Variants in CENPW observed in about 807,000 individuals in gnomAD.
CENPW encodes the protein centromere protein W.
CENPW carries 3 observed loss-of-function variants against 11.1 expected under a neutral mutation model. The ratio of observed to expected loss-of-function variants is 0.27; its 90% confidence interval spans 0.12 to 0.70. The LOEUF (loss-of-function observed/expected upper bound fraction) is 0.70. Ranked by LOEUF, CENPW falls within the 30% of genes least tolerant of loss-of-function variation. The pLI, the probability that CENPW is intolerant of heterozygous loss-of-function variation, is 0.77. For missense variants in CENPW, 100 were observed against 105.6 expected, an observed-to-expected ratio of 0.95 and a Z score of 0.23; for synonymous variants, 38 against 42.0, an observed-to-expected ratio of 0.91 and a Z score of 0.37.
chr6:126,385,795 A>G, the CENPW span, among the ~76,000 whole-genome samples: 1 of 152,098 alleles, frequency 6.6e-6, no homozygotes, highest in African/African-American at 2.4e-5. Flanking sequence ...GCTTTCTGCC[A>G]TTATTGTAAG....
At chr6:126,400,717 T>G in the CENPW span, among the ~76,000 whole-genome samples, 1 of 152,070 alleles carries the variant, frequency 6.6e-6, no homozygotes, top group African/African-American at 2.4e-5. Flanking sequence ...TTTGTTGTTG[T>G]TTTATGTACT....
the CENPW span, among the ~76,000 whole-genome samples, chr6:126,430,203 G>A: frequency 1.3e-5 from 2 of 152,046 alleles, no homozygotes; most frequent in Non-Finnish European, 2.9e-5. Context: ...TGATTTATTC[G>A]CATCATGTCT....
At chr6:126,414,325 G>A in the CENPW span, among the ~76,000 whole-genome samples, 2 of 152,160 alleles carry the variant, frequency 1.3e-5, no homozygotes, top group South Asian at 2.1e-4. Flanking sequence ...CATTTACAAA[G>A]CATTTCATCC....
At chr6:126,377,382 G>A in the CENPW span, among the ~76,000 whole-genome samples, 1 of 152,276 alleles carries the variant, frequency 6.6e-6, no homozygotes, top group South Asian at 2.1e-4. Flanking sequence ...GATTTGTGGT[G>A]CTGCTATTCA....
chr6:126,373,112 A>G, the CENPW span, among the ~76,000 whole-genome samples: 1 of 152,228 alleles, frequency 6.6e-6, no homozygotes, highest in Non-Finnish European at 1.5e-5. Flanking sequence ...GTAGCATAAT[A>G]ATGTTTCAGA....
chr6:126,459,268 G>C, the CENPW span, among the ~76,000 whole-genome samples: 1 of 151,272 alleles, frequency 6.6e-6, no homozygotes, highest in African/African-American at 2.4e-5. Context: ...ATTTGCTAGA[G>C]AGTCTATATT....
chr6:126,365,066 T>G, the CENPW span, among the ~76,000 whole-genome samples: 3,647 of 152,246 alleles, frequency 0.024, 59 homozygotes, highest in Non-Finnish European at 0.038. Flanking sequence ...ATAGTTCTGG[T>G]GAATATTGGG....
chr6:126,391,114 C>G, the CENPW span, among the ~76,000 whole-genome samples: 1 of 151,992 alleles, frequency 6.6e-6, no homozygotes, highest in Non-Finnish European at 1.5e-5. Flanking sequence ...TCCCTTTTCT[C>G]CATATCCTTG....
chr6:126,409,675 T>G, the CENPW span, among the ~76,000 whole-genome samples: 1 of 151,990 alleles, frequency 6.6e-6, no homozygotes, highest in Admixed American at 6.6e-5. Context: ...TCTTTTAGTC[T>G]TTTTTTAGTC....
At chr6:126,382,584 T>C in the CENPW span, among the ~76,000 whole-genome samples, 4 of 151,918 alleles carry the variant, frequency 2.6e-5, no homozygotes, top group African/African-American at 9.7e-5. Context: ...ATAGCCAGTA[T>C]GGAAAAGAAT....
At chr6:126,364,500 C>G in the CENPW span, among the ~76,000 whole-genome samples, 1 of 152,126 alleles carries the variant, frequency 6.6e-6, no homozygotes, top group Non-Finnish European at 1.5e-5. Flanking sequence ...CTCCAGAGAA[C>G]TATCAATATA....
chr6:126,362,210 A>G, the CENPW span, among the ~76,000 whole-genome samples: 1 of 152,158 alleles, frequency 6.6e-6, no homozygotes, highest in Non-Finnish European at 1.5e-5. Flanking sequence ...GGGAGATGAC[A>G]TGCTGTGGGA....
At chr6:126,420,575 T>C in the CENPW span, among the ~76,000 whole-genome samples, 1 of 152,138 alleles carries the variant, frequency 6.6e-6, no homozygotes, top group Non-Finnish European at 1.5e-5. Context: ...GGAGAGTCTA[T>C]AGGAACTAGA....
the CENPW span, among the ~76,000 whole-genome samples, chr6:126,414,123 A>G: frequency 4.6e-5 from 7 of 152,050 alleles, no homozygotes; most frequent in African/African-American, 1.2e-4. Context: ...CAATATATCA[A>G]TTGTGAATAT....
At chr6:126,435,084 T>C in the CENPW span, among the ~76,000 whole-genome samples, 1 of 152,026 alleles carries the variant, frequency 6.6e-6, no homozygotes, top group African/African-American at 2.4e-5. Context: ...CTTGTCATGA[T>C]GTAGAACAAT....
the CENPW span, among the ~76,000 whole-genome samples, chr6:126,383,769 T>A: frequency 6.6e-6 from 1 of 152,132 alleles, no homozygotes; most frequent in Non-Finnish European, 1.5e-5. Flanking sequence ...CCTGTATTCA[T>A]AAAGCAAGTT....
At chr6:126,384,806 G>T in the CENPW span, among the ~76,000 whole-genome samples, 4 of 152,022 alleles carry the variant, frequency 2.6e-5, no homozygotes, top group African/African-American at 9.7e-5. Context: ...CACAGCCAAA[G>T]AAACTATCAA....
chr6:126,474,238 C>T, the CENPW span, among the ~76,000 whole-genome samples: 1 of 151,876 alleles, frequency 6.6e-6, no homozygotes, highest in African/African-American at 2.4e-5. Context: ...TGCCCATTTC[C>T]ATTACTTTTA....
downstream of CENPW, among the ~76,000 whole-genome samples, chr6:126,350,822 A>G (rs1460947106): frequency 6.6e-6 from 1 of 152,144 alleles, no homozygotes; most frequent in Admixed American, 6.6e-5. Context: ...ATGTAAGTAT[A>G]CATGTTTAAC....
Sources: gnomAD v4.1 joint callset for allele counts (sites outside exome capture counted in the v4.1 genomes callset) on GRCh38, gnomAD v4.1.1 for gene constraint, MANE v1.5 for transcripts, NCBI Gene and HGNC (gene_info 2026-07-23, HGNC 2026-07-21) for gene names.